ARHGAP31: variants seen among roughly 807,000 people sequenced by gnomAD.
ARHGAP31 encodes the protein Rho GTPase activating protein 31.
ARHGAP31 carries 34 observed loss-of-function variants against 113.9 expected under a neutral mutation model. That is an observed-to-expected ratio of 0.30 (90% CI 0.23 to 0.40). The LOEUF (loss-of-function observed/expected upper bound fraction) is 0.40. Among genes scored for constraint, ARHGAP31 ranks in the 10% least tolerant of loss-of-function variants. The probability of loss-of-function intolerance (pLI) is 1.00; values close to 1 mark genes in which losing one functional copy is unlikely to be tolerated. For synonymous variants in ARHGAP31, 650 were observed against 684.8 expected, an observed-to-expected ratio of 0.95 and a Z score of 0.79; for missense variants, 1,548 against 1,767.1, an observed-to-expected ratio of 0.88 and a Z score of 2.22.
chr3:119,342,631 C>A (rs1297399172), intron 1 of ARHGAP31, among the ~76,000 whole-genome samples: 3 of 152,116 alleles, frequency 2.0e-5, no homozygotes, highest in African/African-American at 7.2e-5. Flanking sequence ...GAACTCAGGG[C>A]CTAGAACCAA....
chr3:119,335,493 G>T (rs763660238), intron 1 of ARHGAP31, among the ~76,000 whole-genome samples: 1 of 152,186 alleles, frequency 6.6e-6, no homozygotes, highest in Non-Finnish European at 1.5e-5. Flanking sequence ...GCCAGGGCAG[G>T]CCAGGGGATG....
chr3:119,390,349 G>A (rs2080492567), intron 6 of ARHGAP31, among the ~76,000 whole-genome samples: 1 of 152,212 alleles, frequency 6.6e-6, no homozygotes, highest in Non-Finnish European at 1.5e-5. Flanking sequence ...CTGTGGGGAG[G>A]AGAGGCAGCC....
intron 1 of ARHGAP31, among the ~76,000 whole-genome samples, chr3:119,363,062 A>T (rs1250463233): frequency 6.6e-6 from 1 of 152,094 alleles, no homozygotes; most frequent in Admixed American, 6.6e-5. Context: ...AAGAAACAGA[A>T]CCCTTGTATA....
At chr3:119,295,331 A>G in intron 1 of ARHGAP31, among the ~76,000 whole-genome samples, 1 of 151,740 alleles carries the variant, frequency 6.6e-6, no homozygotes, top group East Asian at 1.9e-4. Context: ...TAAACTTGGC[A>G]CGTTGGAAGG....
intron 6 of ARHGAP31, among the ~76,000 whole-genome samples, chr3:119,384,749 C>T (rs1283322640): frequency 1.3e-5 from 2 of 152,190 alleles, no homozygotes; most frequent in Non-Finnish European, 2.9e-5. Context: ...AAGTTCCCAA[C>T]ACATGAACTT....
chr3:119,397,251 G>A (rs1577028463), intron 8 of ARHGAP31, among the ~76,000 whole-genome samples: 1 of 152,304 alleles, frequency 6.6e-6, no homozygotes, highest in Non-Finnish European at 1.5e-5. Flanking sequence ...GCTGTGCTCC[G>A]CAAGGCCACA....
intron 1 of ARHGAP31, among the ~76,000 whole-genome samples, chr3:119,364,733 G>A (rs548096355): frequency 2.6e-5 from 4 of 152,142 alleles, no homozygotes; most frequent in African/African-American, 9.7e-5. Flanking sequence ...CCGAGTTGTG[G>A]AATGTCCAAG....
At chr3:119,359,828 AG>A (rs1412159128) in intron 1 of ARHGAP31, among the ~76,000 whole-genome samples, 1 of 152,160 alleles carries the variant, frequency 6.6e-6, no homozygotes, top group Non-Finnish European at 1.5e-5. Flanking sequence ...AATGCTGAAG[AG>A]GGGGCCCATT....
chr3:119,394,060 A>C (rs2080527144), intron 8 of ARHGAP31, among the ~76,000 whole-genome samples: 1 of 152,186 alleles, frequency 6.6e-6, no homozygotes, highest in South Asian at 2.1e-4. Flanking sequence ...TGTTTAGTAG[A>C]ATATACCTCA....
rs79438098 is a variant in ARHGAP31, at chr3:119,394,823, A to C, written c.1006+1232A>C. On this transcript the variant is annotated intron_variant, in intron 8 of 11. Transcript: ENST00000264245. ...AAAATAAGAAAAAACAACAAAAGAC[A>C]ATTTGGGGAACAAAGAGGGAAAATG... 5.2e-4 allele frequency among the ~76,000 whole-genome samples: 79 copies of C among 152,188 alleles called. No individual in the cohort carries two copies. The East Asian group carries it at 6.2e-3, about 12-fold the overall frequency.
chr3:119,294,948 C>G lies in ARHGAP31; in HGVS notation c.44C>G (p.Ala15Gly), dbSNP rs1198680795. The change falls in exon 1 of 12, where the codon GCC becomes GGC. Residue 15 changes from alanine (A) to glycine (G), a missense_variant. By Grantham distance (60) the Ala-to-Gly change is moderately conservative. Coordinates refer to ENST00000264245, the MANE Select transcript of ARHGAP31 (RefSeq NM_020754.4). ...AAGCAGAAGCTGAAACGAAAGGGAG[C>G]CGCCAGCGCGTTTGGCTGTGACCTG... is the stretch of plus-strand genomic sequence containing the variant. The part of the protein sequence containing the change: ...GAKQKLKRKG[A>G]ASAFGCDLTE... The G allele has an allele frequency of 4.3e-6, 7 of 1,613,976 alleles. No homozygotes were observed. The highest frequency in any genetic ancestry group is 3.3e-5 in the South Asian group (3 of 91,090).
chr3:119,381,993 A>G (rs1036248995), intron 4 of ARHGAP31, among the ~76,000 whole-genome samples: 3 of 151,012 alleles, frequency 2.0e-5, no homozygotes, highest in Non-Finnish European at 3.0e-5. Context: ...CTCAAAAAAA[A>G]AAAAAAAAAA....
chr3:119,397,526 G>C (rs188009099), intron 8 of ARHGAP31, among the ~76,000 whole-genome samples: 3 of 152,340 alleles, frequency 2.0e-5, no homozygotes, highest in Admixed American at 2.0e-4. Flanking sequence ...GGAAATAGCA[G>C]ATCTTCAAAG....
At chr3:119,329,570 C>A (rs968623772) in intron 1 of ARHGAP31, among the ~76,000 whole-genome samples, 1 of 152,220 alleles carries the variant, frequency 6.6e-6, no homozygotes, top group Non-Finnish European at 1.5e-5. Flanking sequence ...TTTCTCCCCT[C>A]CTCCTTTGCA....
intron 7 of ARHGAP31, among the ~76,000 whole-genome samples, chr3:119,391,991 T>C (rs2080509002): frequency 6.6e-6 from 1 of 152,142 alleles, no homozygotes; most frequent in African/African-American, 2.4e-5. Flanking sequence ...TTGGAAAGAC[T>C]ACCAAATGCA....
At chr3:119,360,565 T>C (rs2080196835) in intron 1 of ARHGAP31, among the ~76,000 whole-genome samples, 1 of 152,252 alleles carries the variant, frequency 6.6e-6, no homozygotes, top group Non-Finnish European at 1.5e-5. Context: ...GTTTGACTTC[T>C]GGCCTTTTCT....
Position 119,414,301 on chromosome 3 carries a change from T to C in ARHGAP31, c.2372T>C (p.Leu791Pro). The C allele has an allele frequency of 6.2e-7, 1 of 1,614,178 alleles. No homozygotes were observed. Among genetic ancestry groups the C allele is most frequent in the Non-Finnish European group, 8.5e-7 (1 of 1,180,024 alleles). The change falls in exon 12 of 12, where the codon CTG becomes CCG. Residue 791 changes from leucine (L) to proline (P), a missense_variant. Leu to Pro is a moderately conservative substitution (Grantham distance 98). Transcript: ENST00000264245. ...LPPAPPPPTP[L>P]EESTPVLLSK... ...CCTGCTCCTCCCCCTCCAACTCCTC[T>C]GGAGGAGTCAACTCCAGTCCTGCTT...
intron 1 of ARHGAP31, among the ~76,000 whole-genome samples, chr3:119,360,031 T>G (rs1413488277): frequency 1.3e-5 from 2 of 152,124 alleles, no homozygotes; most frequent in Non-Finnish European, 2.9e-5. Context: ...GATGAACATA[T>G]CCATCACGCC....
At chr3:119,368,604 A>G (rs2080270087) in intron 3 of ARHGAP31, 88 bp downstream of exon 3, 2 of 1,487,834 alleles carry the variant, frequency 1.3e-6, no homozygotes, top group Admixed American at 1.8e-5. Context: ...CAATAATAAC[A>G]CTCACCAGAT....
Sources: gnomAD v4.1 joint callset for allele counts (sites outside exome capture counted in the v4.1 genomes callset) on GRCh38, gnomAD v4.1.1 for gene constraint, MANE v1.5 for transcripts, NCBI Gene and HGNC (gene_info 2026-07-23, HGNC 2026-07-21) for gene names.